The following CEP192 variants were observed in gnomAD, a reference collection of about 807,000 sequenced individuals.
CEP192 encodes the protein centrosomal protein of 192 kDa.
In CEP192, 151 loss-of-function variants were observed where a neutral mutation model predicts 271.8. The ratio of observed to expected loss-of-function variants is 0.56; its 90% confidence interval spans 0.49 to 0.64. CEP192 has a LOEUF of 0.64. CEP192 is among the 30% of genes least tolerant of loss of function. The pLI is 0.00. For synonymous variants in CEP192, 995 were observed against 1,076.5 expected (o/e 0.92, Z 1.48); for missense variants, 2,910 against 3,020.5 (o/e 0.96, Z 0.86).
intron 44 of CEP192, among the ~76,000 whole-genome samples, chr18:13,122,276 G>T (rs994688024): frequency 2.0e-5 from 3 of 152,368 alleles, no homozygotes; most frequent in Middle Eastern, 3.4e-3. Flanking sequence ...ACAAAAATTA[G>T]CTGGGCAAGG....
chr18:13,059,232 G>A lies in CEP192; in HGVS notation c.4408G>A (p.Asp1470Asn). 1 of 1,614,198 alleles carries A rather than the reference G, an allele frequency of 6.2e-7. No individual in the cohort carries two copies. Among genetic ancestry groups the A allele is most frequent in the Non-Finnish European group, 8.5e-7 (1 of 1,180,034 alleles). ...FSVASWPCST[D>N]AETIVQAEAL... ...TGTTGCTTCTTGGCCATGTTCGACAGATGCTGAGACCATCGTACAGGCAGA... is the reference window on the plus strand; with the variant it reads ...TGTTGCTTCTTGGCCATGTTCGACAAATGCTGAGACCATCGTACAGGCAGA... Residue 1470 changes from aspartate to asparagine, a missense_variant, in exon 21 of 45, where the codon GAT (aspartate) becomes AAT (asparagine). Physicochemically the swap from Asp to Asn is conservative, Grantham distance 23. Transcript: ENST00000506447.
intron 18 of CEP192, among the ~76,000 whole-genome samples, chr18:13,054,944 C>A (rs961363412): frequency 6.6e-6 from 1 of 152,106 alleles, no homozygotes; most frequent in South Asian, 2.1e-4. Flanking sequence ...CATAGAGCCA[C>A]ACAAGTTTAG....
intron 9 of CEP192, among the ~76,000 whole-genome samples, chr18:13,020,311 A>G (rs1398609184): frequency 6.6e-6 from 1 of 152,200 alleles, no homozygotes; most frequent in South Asian, 2.1e-4. Flanking sequence ...GGGTAACCTC[A>G]TATAAGTGAA....
chr18:13,118,817 CATT>C (rs2040544242), intron 44 of CEP192, among the ~76,000 whole-genome samples: 1 of 150,676 alleles, frequency 6.6e-6, no homozygotes, highest in Non-Finnish European at 1.5e-5. Context: ...TCATCATCAT[CATT>C]AAATCTCCCC....
In CEP192 at chr18:13,015,194, AT is replaced by A. The variant is rs2034574147; in HGVS notation, c.520-132del. 4 of 799,570 alleles carry A rather than the reference AT, an allele frequency of 5.0e-6. No homozygotes were observed. The South Asian group carries it at 8.1e-5, about 16-fold the overall frequency. The allele number at this position is 799,570 out of a possible 1,614,324, so 49.5% of individuals were successfully genotyped here. A position where few individuals can be genotyped will look rare whatever the true frequency, so the allele number is the denominator to read the frequency against. ...ATACATGTACAATTGCTAGCCCTTT[AT>A]TGCCTAAGCTGTGATTTACAGATAC... On this transcript the variant is annotated intron_variant, in intron 5 of 44. Coordinates refer to ENST00000506447, the MANE Select transcript of CEP192 (RefSeq NM_032142.4).
At chr18:13,050,318 C>A (rs1160388205) in intron 17 of CEP192, among the ~76,000 whole-genome samples, 1 of 152,060 alleles carries the variant, frequency 6.6e-6, no homozygotes, top group Non-Finnish European at 1.5e-5. Flanking sequence ...GAAAAACTTG[C>A]CTAACCAGCA....
chr18:13,088,310 T>G (rs2038988527), intron 32 of CEP192, among the ~76,000 whole-genome samples: 1 of 151,910 alleles, frequency 6.6e-6, no homozygotes, highest in Admixed American at 6.6e-5. Context: ...TTTAGTTGGG[T>G]GTGATGGTGT....
At chr18:13,050,689 C>T (rs1363848339) in intron 17 of CEP192, among the ~76,000 whole-genome samples, 1 of 151,826 alleles carries the variant, frequency 6.6e-6, no homozygotes, top group South Asian at 2.1e-4. Context: ...CAGCGATTCT[C>T]CTGCCTCGGT....
At chr18:13,035,701 AG>A (rs2035880354) in intron 11 of CEP192, among the ~76,000 whole-genome samples, 1 of 152,116 alleles carries the variant, frequency 6.6e-6, no homozygotes, top group Non-Finnish European at 1.5e-5. Context: ...TTCATCTTTT[AG>A]GGCAGTGGTT....
Position 13,099,522 on chromosome 18 carries a change from A to G in CEP192, c.6604A>G (p.Lys2202Glu). 1 of 1,604,572 alleles carries G rather than the reference A, an allele frequency of 6.2e-7. No homozygotes were observed. Among genetic ancestry groups the G allele is most frequent in the Non-Finnish European group, 8.5e-7 (1 of 1,175,736 alleles). ...LVSPNSSLST[K>E]QSMFPWSGLI... ...GAGTCCTAATTCCTCCTTATCCACA[A>G]AACAGTCAATGTTCCCGTGGAGTGG... The change falls in exon 37 of 45, where the codon AAA becomes GAA. Residue 2202 changes from lysine (K) to glutamate (E), a missense_variant. Physicochemically the swap from Lys to Glu is moderately conservative, Grantham distance 56. Transcript: ENST00000506447.
chr18:13,023,750 TAGTA>T (rs929460822), intron 9 of CEP192, among the ~76,000 whole-genome samples: 66 of 152,288 alleles, frequency 4.3e-4, no homozygotes, highest in South Asian at 8.3e-4. Context: ...TAGAATCTGT[TAGTA>T]AGTATTCCCT....
intron 33 of CEP192, 29 bp downstream of exon 33, chr18:13,089,594 T>C (rs1455422092): frequency 1.2e-5 from 13 of 1,111,712 alleles, no homozygotes; most frequent in African/African-American, 3.1e-5. Flanking sequence ...CTTGATGTAT[T>C]AAATCTTTTG....
intron 4 of CEP192, among the ~76,000 whole-genome samples, chr18:13,011,775 G>A (rs2034374889): frequency 6.6e-6 from 1 of 152,162 alleles, no homozygotes; most frequent in African/African-American, 2.4e-5. Flanking sequence ...CCATCCACCT[G>A]CCTCGGCCTC....
At position 13,022,650 on chromosome 18, in the gene CEP192, G is replaced by A. The variant is rs192248428; in HGVS notation, c.1050+3444G>A. Among the ~76,000 whole-genome samples the A allele has an allele frequency of 2.5e-3, 388 of 152,242 alleles. 1 individual carries two copies. Among genetic ancestry groups the A allele is most frequent in the Non-Finnish European group, 4.4e-3 (301 of 68,018 alleles). ...CCCGCCTCTGCCTCCCAAAGTGCTG[G>A]GATTACAGGCATGAGCCACCATGCC... On this transcript the variant is annotated intron_variant, in intron 9 of 44. Coordinates refer to ENST00000506447, the MANE Select transcript of CEP192 (RefSeq NM_032142.4).
At chr18:13,094,161 T>C (rs1025073584) in intron 34 of CEP192, among the ~76,000 whole-genome samples, 1 of 152,216 alleles carries the variant, frequency 6.6e-6, no homozygotes, top group Non-Finnish European at 1.5e-5. Flanking sequence ...ACTAATACTA[T>C]TTTCATCACT....
chr18:13,100,741 T>C (rs2039666437), intron 38 of CEP192, among the ~76,000 whole-genome samples: 1 of 152,174 alleles, frequency 6.6e-6, no homozygotes, highest in Non-Finnish European at 1.5e-5. Context: ...TAGGTTTTAT[T>C]TGATGGTCAG....
intron 18 of CEP192, among the ~76,000 whole-genome samples, chr18:13,055,152 G>A (rs1271948559): frequency 6.6e-6 from 1 of 151,968 alleles, no homozygotes; most frequent in African/African-American, 2.4e-5. Context: ...GATAGCGGGT[G>A]CCTGTAATCC....
At chr18:13,047,074 T>A (rs1314855517) in intron 15 of CEP192, among the ~76,000 whole-genome samples, 2 of 152,214 alleles carry the variant, frequency 1.3e-5, no homozygotes, top group Non-Finnish European at 2.9e-5. Flanking sequence ...TGGGTAGCTT[T>A]TGTTTTACCC....
intron 3 of CEP192, among the ~76,000 whole-genome samples, chr18:13,006,844 C>T (rs1354617692): frequency 1.3e-5 from 2 of 152,188 alleles, no homozygotes; most frequent in African/African-American, 4.8e-5. Context: ...ACTGCCATCG[C>T]TTCGTTCTCC....
Sources: allele counts gnomAD v4.1 joint callset (sites outside exome capture counted in the v4.1 genomes callset), GRCh38; gene constraint gnomAD v4.1.1; transcripts MANE v1.5; gene names NCBI Gene and HGNC (gene_info 2026-07-23, HGNC 2026-07-21).